Variants in ANKRD17 observed in about 807,000 individuals in gnomAD.
The protein encoded by ANKRD17 is ankyrin repeat domain 17.
In ANKRD17, 19 loss-of-function variants were observed where a neutral mutation model predicts 229.7. The observed-to-expected ratio is 0.08, with a 90% CI of 0.06 to 0.12. ANKRD17 has a LOEUF of 0.12. ANKRD17 is among the 10% of genes least tolerant of loss of function. The probability of loss-of-function intolerance (pLI) is 1.00; values close to 1 mark genes in which losing one functional copy is unlikely to be tolerated. For synonymous variants in ANKRD17, 1,112 were observed against 1,146.1 expected (o/e 0.97, Z 0.60); for missense variants, 2,176 against 3,176.8 (o/e 0.68, Z 7.57).
Position 73,196,494 on chromosome 4 carries a change from T to C in ANKRD17, c.394-18961A>G, listed in dbSNP as rs369315602. Among the ~76,000 whole-genome samples the C allele has an allele frequency of 5.3e-5, 8 of 152,350 alleles. No individual in the cohort carries two copies. The South Asian group carries it at 8.3e-4, about 16-fold the overall frequency. ...TGATATATTTCATTTAATTCAAATA[T>C]GTACCATATATACACGTATGTGTAT... On this transcript the variant is annotated intron_variant, in intron 1 of 33. Coordinates refer to ENST00000358602, the MANE Select transcript of ANKRD17 (RefSeq NM_032217.5).
chr4:73,160,858 A>T (rs1421568562), intron 3 of ANKRD17, among the ~76,000 whole-genome samples: 1 of 152,208 alleles, frequency 6.6e-6, no homozygotes, highest in Admixed American at 6.5e-5. Flanking sequence ...TCACCAATAC[A>T]TTTTTAAAAA....
At chr4:73,180,031 A>C (rs902775882) in intron 1 of ANKRD17, among the ~76,000 whole-genome samples, 4 of 152,296 alleles carry the variant, frequency 2.6e-5, no homozygotes, top group African/African-American at 9.6e-5. Context: ...AAAAGATAAA[A>C]GCAAATAAAC....
intron 1 of ANKRD17, among the ~76,000 whole-genome samples, chr4:73,216,010 C>A (rs775485980): frequency 8.5e-5 from 13 of 152,092 alleles, no homozygotes; most frequent in Non-Finnish European, 1.3e-4. Context: ...GGCTAAAGTG[C>A]ATTATGACTG....
At chr4:73,106,103 G>C (rs1244409528) in intron 24 of ANKRD17, among the ~76,000 whole-genome samples, 9 of 152,152 alleles carry the variant, frequency 5.9e-5, no homozygotes, top group Admixed American at 5.9e-4. Flanking sequence ...GTTTGTTAGT[G>C]TGTGTGGGGG....
intron 29 of ANKRD17, among the ~76,000 whole-genome samples, chr4:73,085,765 A>C (rs2110124182): frequency 6.6e-6 from 1 of 151,778 alleles, no homozygotes; most frequent in Non-Finnish European, 1.5e-5. Context: ...TGGGGGGCCA[A>C]AGTGAGAGGA....
intron 30 of ANKRD17, among the ~76,000 whole-genome samples, chr4:73,081,358 A>AAGAG (rs371917704): frequency 1.4e-5 from 2 of 148,036 alleles, no homozygotes; most frequent in East Asian, 1.9e-4. Flanking sequence ...CAAATCCTCT[A>AAGAG]AGAGAGAGAG....
At chr4:73,218,813 C>T (rs1227346826) in intron 1 of ANKRD17, among the ~76,000 whole-genome samples, 1 of 152,104 alleles carries the variant, frequency 6.6e-6, no homozygotes, top group Non-Finnish European at 1.5e-5. Flanking sequence ...CCTGTAATCC[C>T]ACACTTTGAG....
chr4:73,227,087 A>G (rs1256030477), intron 1 of ANKRD17, among the ~76,000 whole-genome samples: 1 of 152,172 alleles, frequency 6.6e-6, no homozygotes, highest in Non-Finnish European at 1.5e-5. Context: ...GGGCAAAAGG[A>G]TATAAAGAGA....
intron 6 of ANKRD17, among the ~76,000 whole-genome samples, chr4:73,151,896 A>G (rs561629212): frequency 1.1e-4 from 17 of 152,310 alleles, no homozygotes; most frequent in African/African-American, 4.1e-4. Context: ...TGAGATAATG[A>G]TCAGTCAAGT....
At chr4:73,230,699 G>T (rs2149239040) in intron 1 of ANKRD17, among the ~76,000 whole-genome samples, 1 of 152,266 alleles carries the variant, frequency 6.6e-6, no homozygotes, top group South Asian at 2.1e-4. Flanking sequence ...TCATCCAGAT[G>T]TGTCCTATGT....
intron 1 of ANKRD17, among the ~76,000 whole-genome samples, chr4:73,225,527 G>T (rs1488029579): frequency 1.3e-5 from 2 of 151,970 alleles, no homozygotes. Context: ...CTCCCTTAAA[G>T]ACTAGAAAAA....
At chr4:73,120,448 C>A (rs1208052441) in intron 20 of ANKRD17, 111 bp from the exon 21 acceptor site, 3 of 985,684 alleles carry the variant, frequency 3.0e-6, no homozygotes, top group African/African-American at 3.3e-5. Flanking sequence ...TACCAAGATT[C>A]ACAACTAAAT....
chr4:73,102,552 T>G lies in ANKRD17; in HGVS notation c.4402-5A>C. ...CCTCCGACTTTCTTCCCTTAACTGT[T>G]AAAGATCAATAAAGCAGAAATATAA... On this transcript the variant is annotated splice_region_variant and splice_polypyrimidine_tract_variant and intron_variant, in intron 24 of 33. Coordinates refer to ENST00000358602, the MANE Select transcript of ANKRD17 (RefSeq NM_032217.5). 1 of 1,587,018 alleles carries G rather than the reference T, an allele frequency of 6.3e-7. No homozygotes were observed. Among genetic ancestry groups the G allele is most frequent in the Non-Finnish European group, 8.5e-7 (1 of 1,174,420 alleles).
rs1729428284 is a variant in ANKRD17, at chr4:73,140,215, T to C, written c.2401A>G (p.Asn801Asp). The change falls in exon 15 of 34, where the codon AAT becomes GAT. Residue 801 changes from asparagine to aspartate, a missense_variant. This residue lies in a region of ANKRD17 where 275 missense variants were observed against 386.9 expected (regional missense o/e 0.71). Coordinates refer to ENST00000358602, the MANE Select transcript of ANKRD17 (RefSeq NM_032217.5). ...NSQDVQGYIT[N>D]QSPESIVEEA... Reference sequence around the variant, plus strand: ...TCTACAATGCTCTCTGGAGACTGATTGGTGATGTAACCCTGTACATCCTGG... The same window carrying C: ...TCTACAATGCTCTCTGGAGACTGATCGGTGATGTAACCCTGTACATCCTGG... The C allele has an allele frequency of 6.2e-7, 1 of 1,613,626 alleles. No homozygotes were observed. The highest frequency in any genetic ancestry group is 8.5e-7 in the Non-Finnish European group (1 of 1,179,962).
chr4:73,125,361 A>C (rs747073187), intron 16 of ANKRD17, 49 bp from the exon 17 acceptor site: 14 of 1,209,824 alleles, frequency 1.2e-5, no homozygotes, highest in Non-Finnish European at 1.7e-5. Context: ...TTAAGATGTT[A>C]ATATCAAATA....
At position 73,188,540 on chromosome 4, in the gene ANKRD17, G is replaced by C. The variant is rs750248356; in HGVS notation, c.394-11007C>G. Among the ~76,000 whole-genome samples, 149 of 151,972 alleles carry C rather than the reference G, an allele frequency of 9.8e-4. 2 individuals carry two copies. The highest frequency in any genetic ancestry group is 2.2e-4 in the Non-Finnish European group (15 of 67,992). On this transcript the variant is annotated intron_variant, in intron 1 of 33. Transcript: ENST00000358602. ...GCAGAGGCTGCAGTGAGCCGAGATTGTGCCACTGCACTCCAGCCTGGGCGA... is the reference window on the plus strand; with the variant it reads ...GCAGAGGCTGCAGTGAGCCGAGATTCTGCCACTGCACTCCAGCCTGGGCGA...
intron 22 of ANKRD17, among the ~76,000 whole-genome samples, chr4:73,118,221 C>T (rs1160488875): frequency 6.6e-6 from 1 of 152,026 alleles, no homozygotes; most frequent in Non-Finnish European, 1.5e-5. Context: ...TTCGCTACAT[C>T]TGCCTGCCTT....
chr4:73,134,841 TTAAA>T (rs985778529), intron 16 of ANKRD17, among the ~76,000 whole-genome samples: 1 of 152,160 alleles, frequency 6.6e-6, no homozygotes, highest in Non-Finnish European at 1.5e-5. Flanking sequence ...TGCACTAATC[TTAAA>T]TAAATTATTT....
At position 73,233,871 on chromosome 4, in the gene ANKRD17, C is replaced by T. The variant is rs62311892; in HGVS notation, c.393+24405G>A. ...CTAAGAACTTAGTTATTTGATTTTC[C>T]GTATTTTTTCCCTCTCTCTGGCAAT... On this transcript the variant is annotated intron_variant, in intron 1 of 33. Coordinates refer to ENST00000358602, the MANE Select transcript of ANKRD17 (RefSeq NM_032217.5). 6.4e-3 allele frequency among the ~76,000 whole-genome samples: 968 copies of T among 152,194 alleles called. 10 individuals carry two copies. The highest frequency in any genetic ancestry group is 0.011 in the Non-Finnish European group (723 of 67,988).
Sources: allele counts gnomAD v4.1 joint callset (sites outside exome capture counted in the v4.1 genomes callset), GRCh38; gene constraint gnomAD v4.1.1; regional missense constraint gnomAD v4.1.1; transcripts MANE v1.5; gene names NCBI Gene and HGNC (gene_info 2026-07-23, HGNC 2026-07-21).